The following SORBS2 variants were observed in gnomAD, a reference collection of about 807,000 sequenced individuals.
The protein encoded by SORBS2 is sorbin and SH3 domain-containing protein 2.
A neutral mutation model predicts 97.7 loss-of-function variants in SORBS2; 46 were observed. The observed-to-expected ratio is 0.47, with a 90% confidence interval of 0.37 to 0.60. The LOEUF (loss-of-function observed/expected upper bound fraction) is 0.60. SORBS2 is among the 20% of genes least tolerant of loss of function. The probability of loss-of-function intolerance (pLI) is 0.00; values close to 1 mark genes in which losing one functional copy is unlikely to be tolerated. For synonymous variants in SORBS2, 476 were observed against 473.4 expected (o/e 1.01, Z -0.07); for missense variants, 1,316 against 1,282.3 (o/e 1.03, Z -0.40).
At chr4:185,601,925 C>T (rs1187405775) in intron 12 of SORBS2, among the ~76,000 whole-genome samples, 2 of 152,180 alleles carry the variant, frequency 1.3e-5, no homozygotes, top group East Asian at 1.9e-4. Flanking sequence ...ACAGAGCTTC[C>T]GCTGCAACTT....
intron 1 of SORBS2, among the ~76,000 whole-genome samples, chr4:185,776,399 T>C (rs2098999765): frequency 6.6e-6 from 1 of 152,206 alleles, no homozygotes; most frequent in African/African-American, 2.4e-5. Flanking sequence ...CATTGAGTCA[T>C]TGTGCCTTTA....
chr4:185,760,413 A>C (rs968732670), intron 2 of SORBS2, among the ~76,000 whole-genome samples: 4 of 152,192 alleles, frequency 2.6e-5, no homozygotes, highest in Admixed American at 2.0e-4. Flanking sequence ...TATACAAAAA[A>C]TTAGCTGAGT....
intron 2 of SORBS2, among the ~76,000 whole-genome samples, chr4:185,746,918 T>C (rs1469872186): frequency 6.6e-6 from 1 of 152,192 alleles, no homozygotes; most frequent in African/African-American, 2.4e-5. Context: ...CTGTGCCCTG[T>C]ATTTGAAGAC....
intron 1 of SORBS2, among the ~76,000 whole-genome samples, chr4:185,783,501 T>A (rs1029114969): frequency 3.9e-5 from 6 of 152,244 alleles, no homozygotes; most frequent in Non-Finnish European, 8.8e-5. Flanking sequence ...CTTGATTTTA[T>A]GTATAGTATA....
chr4:185,807,959 T>C (rs1211774662), intron 1 of SORBS2, among the ~76,000 whole-genome samples: 1 of 152,174 alleles, frequency 6.6e-6, no homozygotes, highest in Non-Finnish European at 1.5e-5. Flanking sequence ...ATAAATGACT[T>C]AAAATAGAAA....
intron 2 of SORBS2, among the ~76,000 whole-genome samples, chr4:185,697,156 C>T (rs1269529692): frequency 1.3e-5 from 2 of 152,216 alleles, no homozygotes; most frequent in African/African-American, 4.8e-5. Context: ...CCCCGCTAGA[C>T]AGCAAAGCAT....
rs1041966470 is a variant in SORBS2, at chr4:185,686,901, C to T, written c.-197-8079G>A. 5.9e-5 allele frequency among the ~76,000 whole-genome samples: 9 copies of T among 152,296 alleles called. No homozygotes were observed. The South Asian group carries it at 1.7e-3, about 28-fold the overall frequency. On this transcript the variant is annotated intron_variant, in intron 2 of 20. Transcript: ENST00000284776. ...GGAAAACACAGTGCTAACTGTTGGA[C>T]ACTCAATGAACTACTTGCTTGGGGC...
chr4:185,792,537 GGGAA>G (rs1177582913), intron 1 of SORBS2, among the ~76,000 whole-genome samples: 38 of 151,224 alleles, frequency 2.5e-4, no homozygotes, highest in East Asian at 1.2e-3. Context: ...GAGGGAGGGA[GGGAA>G]GGAAGGAAGG....
chr4:185,760,509 G>T (rs2098873688), intron 2 of SORBS2, among the ~76,000 whole-genome samples: 1 of 152,222 alleles, frequency 6.6e-6, no homozygotes, highest in African/African-American at 2.4e-5. Context: ...ATTGCAGTGA[G>T]CTGAGATCGC....
intron 12 of SORBS2, among the ~76,000 whole-genome samples, chr4:185,596,813 G>A (rs765331198): frequency 1.3e-5 from 2 of 151,934 alleles, no homozygotes; most frequent in Admixed American, 6.6e-5. Context: ...GATTACAGGC[G>A]TGAGTCACTG....
chr4:185,587,508 A>T (rs1328097843), exon 15 of SORBS2: 2 of 794,216 alleles, frequency 2.5e-6, no homozygotes, highest in African/African-American at 3.4e-5. Flanking sequence ...GCAGGTGGAG[A>T]TGGTGACGGC....
chr4:185,901,632 T>C (rs1175875747), intron 1 of SORBS2, among the ~76,000 whole-genome samples: 3 of 152,234 alleles, frequency 2.0e-5, no homozygotes, highest in African/African-American at 2.4e-5. Context: ...CTTTTAACAA[T>C]TGGAATTTCT....
intron 1 of SORBS2, among the ~76,000 whole-genome samples, chr4:185,828,590 C>T (rs972280818): frequency 6.6e-6 from 1 of 152,036 alleles, no homozygotes; most frequent in South Asian, 2.1e-4. Flanking sequence ...ACAGGTAGCA[C>T]AAAATTAAAA....
At chr4:185,791,867 T>G (rs1032428541) in intron 1 of SORBS2, among the ~76,000 whole-genome samples, 44 of 152,298 alleles carry the variant, frequency 2.9e-4, no homozygotes, top group African/African-American at 1.1e-3. Flanking sequence ...GAACTGTATT[T>G]GGTTCCAAAG....
intron 1 of SORBS2, among the ~76,000 whole-genome samples, chr4:185,905,190 C>G (rs2099250091): frequency 6.6e-6 from 1 of 152,122 alleles, no homozygotes; most frequent in Non-Finnish European, 1.5e-5. Context: ...GTGGAGCAGG[C>G]TTCCCCAAGC....
intron 1 of SORBS2, among the ~76,000 whole-genome samples, chr4:185,851,488 T>C (rs1312827707): frequency 2.0e-5 from 3 of 152,198 alleles, no homozygotes; most frequent in African/African-American, 7.2e-5. Context: ...TTTTGGGATT[T>C]TTTTAAAATC....
chr4:185,653,914 G>T (rs6848861), intron 1 of SORBS2, among the ~76,000 whole-genome samples: 14,442 of 152,222 alleles, frequency 0.095, 1,249 homozygotes, highest in African/African-American at 0.22. Context: ...AAAAACTTCT[G>T]TTAGGACTGA....
At chr4:185,666,217 G>A (rs573988679) in intron 4 of SORBS2, 361 of 1,243,566 alleles carry the variant, frequency 2.9e-4, no homozygotes, top group Non-Finnish European at 3.7e-4. Context: ...CTGAGTATGA[G>A]GAAAAAATAA....
intron 7 of SORBS2, among the ~76,000 whole-genome samples, chr4:185,622,320 C>A (rs967347223): frequency 2.6e-5 from 4 of 152,126 alleles, no homozygotes; most frequent in African/African-American, 9.7e-5. Flanking sequence ...GGAAATGGGA[C>A]TTTTATATAT....
Sources: gnomAD v4.1 joint callset for allele counts (sites outside exome capture counted in the v4.1 genomes callset) on GRCh38, gnomAD v4.1.1 for gene constraint, MANE v1.5 for transcripts, NCBI Gene and HGNC (gene_info 2026-07-23, HGNC 2026-07-21) for gene names.